VAMP7: variants seen among roughly 807,000 people sequenced by gnomAD.
The protein encoded by VAMP7 is vesicle associated membrane protein 7.
In VAMP7, 14 loss-of-function variants were observed where a neutral mutation model predicts 29.6. The observed-to-expected ratio is 0.47, with a 90% CI of 0.31 to 0.74. The LOEUF is 0.74. Among genes scored for constraint, VAMP7 ranks in the 30% least tolerant of loss-of-function variants. The pLI is 0.05. For missense variants in VAMP7, 223 were observed against 262.4 expected, an observed-to-expected ratio of 0.85 and a Z score of 1.04; for synonymous variants, 95 against 88.1, an observed-to-expected ratio of 1.08 and a Z score of -0.44.
intron 6 of VAMP7, among the ~76,000 whole-genome samples, chrX:155,939,121 A>T: frequency 6.6e-6 from 1 of 151,990 alleles, no homozygotes; most frequent in East Asian, 1.9e-4. Context: ...CTGGATTATT[A>T]GGGAGTTTTG....
intron 1 of VAMP7, among the ~76,000 whole-genome samples, chrX:155,886,478 T>G (rs2065866993): frequency 2.0e-5 from 3 of 152,218 alleles, no homozygotes; most frequent in African/African-American, 7.2e-5. Context: ...TGCGTATAAC[T>G]TATATTCATT....
At chrX:155,892,672 G>GCAAT (rs1262954502) in intron 2 of VAMP7, among the ~76,000 whole-genome samples, 2 of 151,916 alleles carry the variant, frequency 1.3e-5, no homozygotes, top group Non-Finnish European at 2.9e-5. Flanking sequence ...GTCAGGCACC[G>GCAAT]CAATCAGACA....
At position 155,898,149 on chromosome X, in the gene VAMP7, A is replaced by G; in HGVS notation, c.242A>G (p.Glu81Gly). ...ERSRAFNFLN[E>G]IKKRFQTTYG... ...TCCCGAGCCTTTAATTTTCTGAATG[A>G]GATAAAGAAGAGGTTCCAGACTACT... The change falls in exon 4 of 8, where the codon GAG (glutamate) becomes GGG (glycine). Residue 81 changes from glutamate (E) to glycine (G), a missense_variant. Transcript: ENST00000286448. The G allele has an allele frequency of 1.2e-6, 2 of 1,613,514 alleles. No individual in the cohort carries two copies. Among genetic ancestry groups the G allele is most frequent in the Non-Finnish European group, 1.7e-6 (2 of 1,179,572 alleles).
chrX:155,930,373 A>G (rs2066530407), intron 6 of VAMP7, among the ~76,000 whole-genome samples: 1 of 152,092 alleles, frequency 6.6e-6, no homozygotes, highest in Non-Finnish European at 1.5e-5. Context: ...ATGGTAGCTC[A>G]TACCTATAAT....
intron 5 of VAMP7, among the ~76,000 whole-genome samples, chrX:155,909,529 T>C (rs2066204222): frequency 6.6e-6 from 1 of 152,232 alleles, no homozygotes; most frequent in African/African-American, 2.4e-5. Flanking sequence ...AGATTTAGTT[T>C]ACCCTTCTTT....
chrX:155,904,623 T>G (rs2066121293), intron 5 of VAMP7, among the ~76,000 whole-genome samples: 1 of 151,958 alleles, frequency 6.6e-6, no homozygotes, highest in Admixed American at 6.6e-5. Context: ...CAACAATTAA[T>G]TCCCTTTTCT....
intron 5 of VAMP7, among the ~76,000 whole-genome samples, chrX:155,902,663 G>T (rs1371101972): frequency 6.6e-6 from 1 of 152,046 alleles, no homozygotes; most frequent in Admixed American, 6.6e-5. Flanking sequence ...TTATATGCTG[G>T]ATTACATTTA....
At position 155,887,810 on chromosome X, in the gene VAMP7, A is replaced by G. The variant is rs150392632; in HGVS notation, c.-9-1648A>G. The stretch of plus-strand genomic sequence containing the variant: ...GCCGGACATGGTGGCACACACCTGT[A>G]GTCCCAGATACTCCAGAGGCTGAGG... On this transcript the variant is annotated intron_variant, in intron 1 of 7. Transcript: ENST00000286448. Among the ~76,000 whole-genome samples, 722 of 152,142 alleles carry G rather than the reference A, an allele frequency of 4.7e-3. 8 individuals are homozygous for G. The highest frequency in any genetic ancestry group is 0.016 in the African/African-American group (677 of 41,510).
intron 5 of VAMP7, among the ~76,000 whole-genome samples, chrX:155,911,798 A>T (rs1433640511): frequency 6.6e-6 from 1 of 152,152 alleles, no homozygotes; most frequent in Admixed American, 6.5e-5. Flanking sequence ...AGATATTTGT[A>T]TGTTGATTCT....
intron 6 of VAMP7, among the ~76,000 whole-genome samples, chrX:155,932,473 G>C (rs1229015006): frequency 3.3e-5 from 5 of 152,110 alleles, no homozygotes; most frequent in Non-Finnish European, 7.4e-5. Flanking sequence ...TGAAGCAATT[G>C]TGAATGGGAG....
chrX:155,933,322 C>T (rs1411280843), intron 6 of VAMP7, among the ~76,000 whole-genome samples: 1 of 152,140 alleles, frequency 6.6e-6, no homozygotes, highest in Non-Finnish European at 1.5e-5. Context: ...GGCTGTGAAT[C>T]CATCTGGTCC....
rs1326335577 is a variant in VAMP7 at position 155,942,298 on chromosome X, G to T, written c.*347G>T. 1.1e-6 allele frequency: 1 copy of T among 875,998 alleles called. No homozygotes were observed. Among genetic ancestry groups the T allele is most frequent in the African/African-American group, 1.7e-5 (1 of 58,978 alleles). 54.3% of individuals were successfully genotyped at this position (875,998 alleles called of 1,614,324 possible). A position where few individuals can be genotyped will look rare whatever the true frequency, so the allele number is the denominator to read the frequency against. The stretch of plus-strand genomic sequence containing the variant: ...TTATGAGCTATCTACTAAAACTATG[G>T]AGAAACTTTGTATGTGCACACAAAA... On this transcript the variant is annotated 3_prime_UTR_variant, in exon 8 of 8. Coordinates refer to ENST00000286448, the MANE Select transcript of VAMP7 (RefSeq NM_005638.6).
At chrX:155,919,545 C>T (rs957449225) in intron 5 of VAMP7, among the ~76,000 whole-genome samples, 2 of 152,062 alleles carry the variant, frequency 1.3e-5, no homozygotes, top group African/African-American at 4.8e-5. Flanking sequence ...ATAATTTCTT[C>T]AGCTATAAAC....
rs766605651 is a variant in VAMP7, at chrX:155,941,978, G to C, written c.*27G>C. ...AAAGAAGAAGTTACCATTAACCAAG[G>C]ATATGAGAGAACAAGGAGTTAAAAG... is the stretch of plus-strand genomic sequence containing the variant. On this transcript the variant is annotated 3_prime_UTR_variant, in exon 8 of 8. Transcript: ENST00000286448. 3.1e-6 allele frequency: 5 copies of C among 1,613,686 alleles called. No individual in the cohort carries two copies. Among genetic ancestry groups the C allele is most frequent in the Non-Finnish European group, 4.2e-6 (5 of 1,179,792 alleles).
intron 6 of VAMP7, among the ~76,000 whole-genome samples, chrX:155,930,732 T>G (rs1232015446): frequency 1.3e-5 from 2 of 151,646 alleles, no homozygotes; most frequent in Non-Finnish European, 2.9e-5. Context: ...TTATTATACT[T>G]TAAGTTCTAG....
intron 6 of VAMP7, among the ~76,000 whole-genome samples, chrX:155,920,647 C>T (rs934434178): frequency 6.6e-6 from 1 of 152,180 alleles, no homozygotes; most frequent in African/African-American, 2.4e-5. Context: ...CCCACCTCTG[C>T]TACTTACTAG....
chrX:155,896,648 G>A, intron 3 of VAMP7, among the ~76,000 whole-genome samples: 1 of 152,200 alleles, frequency 6.6e-6, no homozygotes. Context: ...GTCTTCTTGA[G>A]TGTCTTATTG....
At chrX:155,897,933 A>G (rs1179654411) in intron 3 of VAMP7, among the ~76,000 whole-genome samples, 179 bp from the exon 4 acceptor site, 1 of 152,134 alleles carries the variant, frequency 6.6e-6, no homozygotes, top group Non-Finnish European at 1.5e-5. Flanking sequence ...GGACCTTTGG[A>G]CAAGTTAGTT....
intron 6 of VAMP7, among the ~76,000 whole-genome samples, chrX:155,933,052 C>T (rs1025715681): frequency 9.9e-5 from 15 of 152,064 alleles, no homozygotes; most frequent in Admixed American, 9.8e-4. Flanking sequence ...AGGGATGAAG[C>T]CCACTTGATC....
Sources: gnomAD v4.1 joint callset for allele counts (sites outside exome capture counted in the v4.1 genomes callset) on GRCh38, gnomAD v4.1.1 for gene constraint, MANE v1.5 for transcripts, NCBI Gene and HGNC (gene_info 2026-07-23, HGNC 2026-07-21) for gene names.